ACOT12: variants seen among roughly 807,000 people sequenced by gnomAD.
The protein encoded by ACOT12 is acetyl-coenzyme A thioesterase.
In ACOT12, 51 loss-of-function variants were observed where a neutral mutation model predicts 67.7. The ratio of observed to expected loss-of-function variants is 0.75; its 90% CI spans 0.60 to 0.95. ACOT12 has a LOEUF of 0.95. Ranked by LOEUF, ACOT12 falls within the 40% of genes least tolerant of loss-of-function variation. The pLI is 0.00. For synonymous variants in ACOT12, 251 were observed against 244.6 expected (o/e 1.03, Z -0.24); for missense variants, 734 against 708.1 (o/e 1.04, Z -0.41).
chr5:81,364,486 G>A (rs1760014454), intron 3 of ACOT12, among the ~76,000 whole-genome samples: 2 of 151,380 alleles, frequency 1.3e-5, no homozygotes, highest in South Asian at 4.2e-4. Flanking sequence ...GGAGTGCAGT[G>A]GCACGATCTT....
At chr5:81,349,891 C>T (rs1759500642) in intron 5 of ACOT12, among the ~76,000 whole-genome samples, 1 of 152,122 alleles carries the variant, frequency 6.6e-6, no homozygotes, top group African/African-American at 2.4e-5. Context: ...ATGAGAGTCC[C>T]CACTGGTCCC....
chr5:81,315,014 G>A, the ACOT12 span, among the ~76,000 whole-genome samples: 2 of 152,092 alleles, frequency 1.3e-5, no homozygotes, highest in East Asian at 1.9e-4. Flanking sequence ...GTGCTCCTTC[G>A]GTCTTTTGTA....
the ACOT12 span, chr5:81,312,669 C>T: frequency 6.3e-7 from 1 of 1,590,186 alleles, no homozygotes; most frequent in Non-Finnish European, 8.6e-7. Context: ...TTGATAACAG[C>T]TAGCACTATC....
intron 5 of ACOT12, among the ~76,000 whole-genome samples, chr5:81,359,123 G>A (rs1386604604): frequency 2.6e-5 from 4 of 151,984 alleles, no homozygotes; most frequent in East Asian, 1.9e-4. Context: ...CTCTTCTTCC[G>A]GTGCCTTCCT....
chr5:81,327,452 T>G (rs1345628303), downstream of ACOT12, among the ~76,000 whole-genome samples: 1 of 152,202 alleles, frequency 6.6e-6, no homozygotes, highest in Non-Finnish European at 1.5e-5. Flanking sequence ...CTTCCTTTTT[T>G]TTTGTTGAGA....
chr5:81,382,650 A>T (rs1039647723), intron 2 of ACOT12, among the ~76,000 whole-genome samples: 17 of 152,180 alleles, frequency 1.1e-4, no homozygotes, highest in Non-Finnish European at 2.4e-4. Flanking sequence ...ATACAAAAAA[A>T]ATTAGCTGGG....
rs1005989099 is a variant in ACOT12, at chr5:81,344,049, C to T, written c.980+111G>A. 24 of 1,324,252 alleles carry T rather than the reference C, an allele frequency of 1.8e-5. No individual in the cohort carries two copies. The African/African-American group carries it at 3.0e-4, about 16-fold the overall frequency. The allele number at this position is 1,324,252 out of a possible 1,614,324, so 82.0% of individuals were successfully genotyped here. ...GTCAGCCTTTGCGGCCAGGAAACAT[C>T]AGACCTTCTCTTTTTCCGTTACGTG... On this transcript the variant is annotated intron_variant, in intron 9 of 14. Transcript: ENST00000307624.
intron 2 of ACOT12, among the ~76,000 whole-genome samples, chr5:81,373,859 G>T (rs1760329779): frequency 6.6e-6 from 1 of 152,098 alleles, no homozygotes; most frequent in African/African-American, 2.4e-5. Context: ...AAAAAAGGCA[G>T]CATCTCCCTG....
intron 5 of ACOT12, among the ~76,000 whole-genome samples, chr5:81,358,118 T>G (rs1375842142): frequency 1.3e-5 from 2 of 151,956 alleles, no homozygotes; most frequent in East Asian, 3.9e-4. Flanking sequence ...CCTTATGAAC[T>G]CAGGTAGTGT....
At chr5:81,324,817 C>A in the ACOT12 span, among the ~76,000 whole-genome samples, 1 of 151,996 alleles carries the variant, frequency 6.6e-6, no homozygotes, top group African/African-American at 2.4e-5. Context: ...AAGAACAGGG[C>A]CATTAGATTT....
At chr5:81,381,022 C>G (rs935725433) in intron 2 of ACOT12, among the ~76,000 whole-genome samples, 1 of 151,776 alleles carries the variant, frequency 6.6e-6, no homozygotes, top group African/African-American at 2.4e-5. Context: ...TGTATCCAAA[C>G]ATAGCTAAAT....
the ACOT12 span, chr5:81,308,812 G>C: frequency 2.9e-4 from 423 of 1,464,206 alleles, 3 homozygotes; most frequent in African/African-American, 5.2e-3. Context: ...GTGCCACTTA[G>C]TATTTGGAAA....
intron 1 of ACOT12, among the ~76,000 whole-genome samples, chr5:81,393,281 GA>G (rs1288365570): frequency 6.6e-6 from 1 of 152,158 alleles, no homozygotes; most frequent in Non-Finnish European, 1.5e-5. Context: ...TGTTCTTGTG[GA>G]AAATAGTTAT....
chr5:81,325,676 T>C (rs573647824), downstream of ACOT12, among the ~76,000 whole-genome samples: 3 of 152,358 alleles, frequency 2.0e-5, no homozygotes, highest in Admixed American at 6.5e-5. Flanking sequence ...GTATCAGGTA[T>C]ATAATTTTTA....
chr5:81,364,292 T>A (rs1760007612), intron 3 of ACOT12, among the ~76,000 whole-genome samples: 1 of 151,024 alleles, frequency 6.6e-6, no homozygotes, highest in East Asian at 1.9e-4. Context: ...TATCACATAA[T>A]ACATACACAT....
intron 1 of ACOT12, among the ~76,000 whole-genome samples, chr5:81,392,551 T>G (rs1760892564): frequency 6.6e-6 from 1 of 152,210 alleles, no homozygotes; most frequent in Non-Finnish European, 1.5e-5. Flanking sequence ...GGGCCATTGT[T>G]TCTCCATCAC....
intron 1 of ACOT12, among the ~76,000 whole-genome samples, chr5:81,388,374 G>A (rs1472015059): frequency 1.3e-5 from 2 of 152,196 alleles, no homozygotes; most frequent in Non-Finnish European, 2.9e-5. Flanking sequence ...TTAAACGAGT[G>A]TCAATTAGAT....
the ACOT12 span, chr5:81,313,141 A>G: frequency 1.3e-5 from 2 of 152,284 alleles, no homozygotes; most frequent in Non-Finnish European, 2.9e-5. Context: ...CTATTAAGCA[A>G]TAGAAATATT....
At chr5:81,339,582 T>G (rs1759123383) in intron 11 of ACOT12, among the ~76,000 whole-genome samples, 2 of 152,204 alleles carry the variant, frequency 1.3e-5, no homozygotes, top group South Asian at 2.1e-4. Flanking sequence ...AAGAATGGCC[T>G]CCTCTCTAAA....
Sources: allele counts gnomAD v4.1 joint callset (sites outside exome capture counted in the v4.1 genomes callset), GRCh38; gene constraint gnomAD v4.1.1; transcripts MANE v1.5; gene names NCBI Gene and HGNC (gene_info 2026-07-23, HGNC 2026-07-21).